RGPD3: variants seen among roughly 807,000 people sequenced by gnomAD.
RGPD3 encodes RANBP2 like and GRIP domain containing 3, also known as ranBP2-like and GRIP domain-containing protein 3.
A neutral mutation model predicts 154.5 loss-of-function variants in RGPD3; 62 were observed. That is an observed-to-expected ratio of 0.40 (90% CI 0.33 to 0.50). The LOEUF (loss-of-function observed/expected upper bound fraction) is 0.50. RGPD3 is among the 20% of genes least tolerant of loss of function. The pLI, the probability that RGPD3 is intolerant of heterozygous loss-of-function variation, is 0.59. For synonymous variants in RGPD3, 308 were observed against 607.0 expected (o/e 0.51, Z 7.24); for missense variants, 919 against 1,716.8 (o/e 0.54, Z 8.21).
intron 22 of RGPD3, among the ~76,000 whole-genome samples, chr2:106,405,451 G>A (rs948339321): frequency 6.8e-6 from 1 of 146,996 alleles, no homozygotes; most frequent in Non-Finnish European, 1.5e-5. Flanking sequence ...TGAGACTTCA[G>A]TGCAGCCTTG....
rs191455877 is a variant in RGPD3, at chr2:106,418,155, T to A, written c.4925-2166A>T. Among the ~76,000 whole-genome samples the A allele has an allele frequency of 5.0e-3, 728 of 144,562 alleles. 12 individuals are homozygous for A. Among genetic ancestry groups the A allele is most frequent in the African/African-American group, 0.017 (675 of 39,898 alleles). 94.8% of individuals were successfully genotyped at this position (144,562 alleles called of 152,430 possible). A position where few individuals can be genotyped will look rare whatever the true frequency, so the allele number is the denominator to read the frequency against. ...ACAAAAAAACAAACAAAAAAAAACTTAGTCATCAAACTTTTAACTACGTTA... is the reference window on the plus strand; with the variant it reads ...ACAAAAAAACAAACAAAAAAAAACTAAGTCATCAAACTTTTAACTACGTTA... On this transcript the variant is annotated intron_variant, in intron 20 of 22. Transcript: ENST00000409886.
intron 20 of RGPD3, among the ~76,000 whole-genome samples, chr2:106,420,098 A>T (rs1676932732): frequency 7.1e-6 from 1 of 141,422 alleles, no homozygotes; most frequent in African/African-American, 2.6e-5. Flanking sequence ...AACATAAGCA[A>T]GTATTAGTAT....
At chr2:106,411,815 C>T (rs1043944255) in intron 22 of RGPD3, among the ~76,000 whole-genome samples, 30 of 152,214 alleles carry the variant, frequency 2.0e-4, no homozygotes, top group African/African-American at 7.0e-4. Flanking sequence ...AACACTACGT[C>T]TCAAACAAAC....
chr2:106,410,389 G>C (rs1463658251), intron 22 of RGPD3, among the ~76,000 whole-genome samples: 1 of 152,042 alleles, frequency 6.6e-6, no homozygotes, highest in Non-Finnish European at 1.5e-5. Context: ...TTTCTAATGT[G>C]TATCTCCTCT....
intron 22 of RGPD3, among the ~76,000 whole-genome samples, chr2:106,411,523 T>A (rs1676671431): frequency 1.3e-5 from 2 of 150,072 alleles, no homozygotes; most frequent in South Asian, 4.3e-4. Context: ...TATATAATTG[T>A]TATAGATAAA....
In RGPD3 at chr2:106,441,796, A is replaced by G. The variant is rs1443151535; in HGVS notation, c.979-416T>C. On this transcript the variant is annotated intron_variant, in intron 7 of 22. Transcript: ENST00000409886. ...CAAGGATAGCTTGAACCTGGGAGGC[A>G]GAGGTTGTAGTGCGCCGAGACTGTG... is the stretch of plus-strand genomic sequence containing the variant. Among the ~76,000 whole-genome samples the G allele has an allele frequency of 2.9e-5, 4 of 139,238 alleles. No homozygotes were observed. The East Asian group carries it at 7.3e-4, about 25-fold the overall frequency. 91.3% of individuals were successfully genotyped at this position (139,238 alleles called of 152,430 possible).
Position 106,413,242 on chromosome 2 carries a change from T to C in RGPD3, c.5108A>G (p.Gln1703Arg), listed in dbSNP as rs566226760. 6.2e-6 allele frequency: 10 copies of C among 1,611,880 alleles called. No individual in the cohort carries two copies. Among genetic ancestry groups the C allele is most frequent in the East Asian group, 4.5e-5 (2 of 44,888 alleles). Residue 1703 changes from glutamine to arginine, a missense_variant, in exon 22 of 23, where the codon CAA becomes CGA. By Grantham distance (43) the Gln-to-Arg change is conservative (BLOSUM62 1). Transcript: ENST00000409886. ...EIRRLERNQE[Q>R]EVSAANVEHL... ...TTCCACGTTAGCTGCAGACACCTCT[T>C]GCTCTTGATTCCTTTCCAATCTTCT...
chr2:106,421,948 T>A (rs1195307932), intron 20 of RGPD3, among the ~76,000 whole-genome samples: 1 of 150,974 alleles, frequency 6.6e-6, no homozygotes, highest in Non-Finnish European at 1.5e-5. Context: ...AAACTGGCAT[T>A]CTTTGACATG....
intron 9 of RGPD3, among the ~76,000 whole-genome samples, chr2:106,438,759 G>A (rs1335387329): frequency 2.0e-5 from 3 of 147,856 alleles, no homozygotes; most frequent in Non-Finnish European, 4.5e-5. Context: ...TCCAGCATGG[G>A]CGACAAGAGC....
intron 1 of RGPD3, among the ~76,000 whole-genome samples, chr2:106,463,985 G>A (rs1678481748): frequency 1.3e-5 from 2 of 152,118 alleles, no homozygotes; most frequent in African/African-American, 2.4e-5. Flanking sequence ...TAACAGTACT[G>A]AAAGAATGAG....
At chr2:106,412,177 AG>A (rs1676690376) in intron 22 of RGPD3, among the ~76,000 whole-genome samples, 1 of 145,754 alleles carries the variant, frequency 6.9e-6, no homozygotes, top group African/African-American at 2.5e-5. Flanking sequence ...ATAATTCTTA[AG>A]ATGCAGCTTG....
chr2:106,446,223 A>G (rs1677920310), intron 7 of RGPD3, among the ~76,000 whole-genome samples: 1 of 133,546 alleles, frequency 7.5e-6, no homozygotes, highest in Non-Finnish European at 1.6e-5. Flanking sequence ...TTTTTGGAAG[A>G]CTGCTTATTT....
chr2:106,459,395 A>C (rs1251758148), intron 1 of RGPD3, 63 bp from the exon 2 acceptor site: 1 of 783,168 alleles, frequency 1.3e-6, no homozygotes, highest in African/African-American at 1.8e-5. Context: ...TTTTTTCAAA[A>C]GTAGTAAAAA....
intron 20 of RGPD3, among the ~76,000 whole-genome samples, chr2:106,418,486 A>G (rs1386716547): frequency 1.3e-5 from 2 of 152,046 alleles, no homozygotes; most frequent in African/African-American, 2.4e-5. Flanking sequence ...CAGTGCTCAT[A>G]CAGTTAAGAG....
At chr2:106,410,030 C>G (rs1329315509) in intron 22 of RGPD3, among the ~76,000 whole-genome samples, 3 of 151,736 alleles carry the variant, frequency 2.0e-5, no homozygotes, top group Non-Finnish European at 2.9e-5. Flanking sequence ...CATGCACCAC[C>G]ACGCCCAGCT....
intron 21 of RGPD3, among the ~76,000 whole-genome samples, chr2:106,413,665 A>G (rs2104445806): frequency 6.6e-6 from 1 of 152,296 alleles, no homozygotes; most frequent in African/African-American, 2.4e-5. Context: ...AAGAGGAGAA[A>G]AAGTAGATGA....
rs921952158 is a variant in RGPD3, at chr2:106,418,143, C to CA, written c.4925-2155dup. On this transcript the variant is annotated intron_variant, in intron 20 of 22. Coordinates refer to ENST00000409886, the MANE Select transcript of RGPD3 (RefSeq NM_001144013.2). ...CTCCAGCTCAAAACAAAAAAACAAA[C>CA]AAAAAAAAACTTAGTCATCAAACTT... 3.0e-4 allele frequency among the ~76,000 whole-genome samples: 43 copies of CA among 142,640 alleles called. 3 individuals are homozygous for CA. The highest frequency in any genetic ancestry group is 4.1e-4 in the Non-Finnish European group (27 of 65,598). 93.6% of individuals were successfully genotyped at this position (142,640 alleles called of 152,430 possible).
chr2:106,415,385 A>G (rs1277170470), intron 21 of RGPD3, among the ~76,000 whole-genome samples: 2 of 152,196 alleles, frequency 1.3e-5, no homozygotes, highest in African/African-American at 4.8e-5. Context: ...TAGGTATAAA[A>G]GAAGTATTTT....
intron 22 of RGPD3, among the ~76,000 whole-genome samples, chr2:106,409,767 A>C (rs937577259): frequency 5.3e-5 from 8 of 150,776 alleles, no homozygotes; most frequent in African/African-American, 2.0e-4. Context: ...CTCCTTTTAG[A>C]ACTTCGATTA....
Sources: gnomAD v4.1 joint callset for allele counts (sites outside exome capture counted in the v4.1 genomes callset) on GRCh38, gnomAD v4.1.1 for gene constraint, MANE v1.5 for transcripts, NCBI Gene and HGNC (gene_info 2026-07-23, HGNC 2026-07-21) for gene names.